Variants in STK33 observed in about 807,000 individuals in gnomAD.
STK33 encodes the protein serine/threonine-protein kinase 33.
A neutral mutation model predicts 58.0 loss-of-function variants in STK33; 52 were observed. The observed-to-expected ratio is 0.90, with a 90% confidence interval of 0.72 to 1.13. STK33 has a LOEUF of 1.13. Ranked by LOEUF, STK33 falls within the 50% of genes most tolerant of loss-of-function variation. The pLI is 0.00. For synonymous variants in STK33, 215 were observed against 200.1 expected, an observed-to-expected ratio of 1.07 and a Z score of -0.63; for missense variants, 630 against 604.2, an observed-to-expected ratio of 1.04 and a Z score of -0.45.
chr11:8,518,168 G>C (rs1952997248), intron 1 of STK33, among the ~76,000 whole-genome samples: 2 of 152,216 alleles, frequency 1.3e-5, no homozygotes, highest in South Asian at 4.1e-4. Context: ...CAAGCCAGAA[G>C]AGAGTGGGGG....
At chr11:8,526,768 C>A (rs571514634) in intron 1 of STK33, among the ~76,000 whole-genome samples, 4 of 137,078 alleles carry the variant, frequency 2.9e-5, no homozygotes, top group South Asian at 4.6e-4. Flanking sequence ...CACACACACA[C>A]AAAAAGAAAA....
chr11:8,568,628 A>G (rs925399098), intron 1 of STK33, among the ~76,000 whole-genome samples: 8 of 152,210 alleles, frequency 5.3e-5, no homozygotes, highest in African/African-American at 1.9e-4. Flanking sequence ...TATAAAAGCA[A>G]GAAAGCTATT....
At chr11:8,497,927 C>T (rs754803320) in intron 1 of STK33, among the ~76,000 whole-genome samples, 1 of 151,998 alleles carries the variant, frequency 6.6e-6, no homozygotes, top group East Asian at 1.9e-4. Context: ...CTTTTGTAGA[C>T]CAATTTCCCT....
chr11:8,538,111 G>A lies in STK33; in HGVS notation c.-466+55972C>T, dbSNP rs562169239. Among the ~76,000 whole-genome samples, 283 of 152,062 alleles carry A rather than the reference G, an allele frequency of 1.9e-3. 1 individual carries two copies. Among genetic ancestry groups the A allele is most frequent in the Admixed American group, 4.2e-3 (64 of 15,264 alleles). ...CTGAGCTAGGAGGATGGTTTCAGCC[G>A]TGGGAGGCAGAGATTGCAGTGAGCC... On this transcript the variant is annotated intron_variant, in intron 1 of 15. Coordinates refer to ENST00000687296, the MANE Select transcript of STK33 (RefSeq NM_001352389.2).
intron 1 of STK33, among the ~76,000 whole-genome samples, chr11:8,579,427 T>C (rs1022101943): frequency 6.6e-6 from 1 of 152,054 alleles, no homozygotes; most frequent in Non-Finnish European, 1.5e-5. Context: ...ATCTCAGAAA[T>C]GGAAGATCCT....
Position 8,392,466 on chromosome 11 carries a change from C to A in STK33, c.*44G>T, listed in dbSNP as rs143915832. The A allele has an allele frequency of 8.0e-5, 128 of 1,609,384 alleles. No individual in the cohort carries two copies. The East Asian group carries it at 2.7e-3, about 33-fold the overall frequency. ...TCCTACCCCCTCATCAAAGTGCTAACAAGAGCAGCTTTGTTTTTGTACTGT... is the reference window on the plus strand; with the variant it reads ...TCCTACCCCCTCATCAAAGTGCTAAAAAGAGCAGCTTTGTTTTTGTACTGT... On this transcript the variant is annotated 3_prime_UTR_variant, in exon 16 of 16. Transcript: ENST00000687296.
chr11:8,462,615 GAGAGAC>G (rs1181484193), intron 7 of STK33, among the ~76,000 whole-genome samples: 2 of 151,460 alleles, frequency 1.3e-5, no homozygotes, highest in African/African-American at 2.4e-5. Context: ...GACAGACAAA[GAGAGAC>G]AGAGACAGAG....
intron 14 of STK33, among the ~76,000 whole-genome samples, chr11:8,420,457 G>A (rs184756318): frequency 9.4e-4 from 143 of 152,170 alleles, no homozygotes; most frequent in Non-Finnish European, 1.9e-3. Context: ...AGTGCATTTC[G>A]AATTGCCTGC....
chr11:8,507,953 C>T (rs28569911), intron 1 of STK33, among the ~76,000 whole-genome samples: 13,599 of 152,136 alleles, frequency 0.089, 1,393 homozygotes, highest in African/African-American at 0.26. Context: ...TGCAATGGCA[C>T]GATCTCGGCT....
chr11:8,396,362 T>C (rs1849341212), intron 15 of STK33, among the ~76,000 whole-genome samples: 1 of 152,260 alleles, frequency 6.6e-6, no homozygotes, highest in African/African-American at 2.4e-5. Context: ...TATGGGTTTG[T>C]CTTGTAAAAT....
At chr11:8,482,652 C>G (rs1040629563) in intron 1 of STK33, among the ~76,000 whole-genome samples, 1 of 152,148 alleles carries the variant, frequency 6.6e-6, no homozygotes, top group Non-Finnish European at 1.5e-5. Flanking sequence ...ACTCCTATCC[C>G]TTATTAGCTC....
chr11:8,431,117 G>A (rs961386410), intron 14 of STK33, among the ~76,000 whole-genome samples: 10 of 152,032 alleles, frequency 6.6e-5, no homozygotes, highest in African/African-American at 1.4e-4. Context: ...CGCCTGCCTC[G>A]GCCTCCCAAA....
At chr11:8,465,002 A>G (rs1472633449) in intron 6 of STK33, 180 bp from the exon 7 acceptor site, 4 of 389,562 alleles carry the variant, frequency 1.0e-5, no homozygotes, top group African/African-American at 6.2e-5. Flanking sequence ...TAACCAAAAT[A>G]AGCGTTGATG....
In STK33 at chr11:8,562,126, T is replaced by C. The variant is rs189675098; in HGVS notation, c.-466+31957A>G. ...TACAGATGTATTTTTCAAGAATTTGTTTACTAAAATAATTCTTAATCTGAA... is the reference window on the plus strand; with the variant it reads ...TACAGATGTATTTTTCAAGAATTTGCTTACTAAAATAATTCTTAATCTGAA... On this transcript the variant is annotated intron_variant, in intron 1 of 15. Transcript: ENST00000687296. Among the ~76,000 whole-genome samples the C allele has an allele frequency of 2.0e-5, 3 of 152,332 alleles. No individual in the cohort carries two copies. In the East Asian group the frequency reaches 5.8e-4, roughly 29 times the overall value.
chr11:8,495,036 C>T (rs1246055604), intron 1 of STK33, among the ~76,000 whole-genome samples: 1 of 152,074 alleles, frequency 6.6e-6, no homozygotes, highest in Non-Finnish European at 1.5e-5. Flanking sequence ...TAGGCATGGG[C>T]AAAGAATTCA....
rs777525713 is a variant in STK33, at chr11:8,454,927, G to T, written c.698-95C>A. On this transcript the variant is annotated intron_variant, in intron 9 of 15. Transcript: ENST00000687296. ...AAATATATTTGACAAATTAATATCC[G>T]CTGTTGAAAAATTTGAGGGCCAAGC... 4 of 1,243,088 alleles carry T rather than the reference G, an allele frequency of 3.2e-6. No individual in the cohort carries two copies. In the South Asian group the frequency reaches 5.2e-5, roughly 16 times the overall value. 77.0% of individuals were successfully genotyped at this position (1,243,088 alleles called of 1,614,324 possible).
chr11:8,537,809 CAA>C lies in STK33; in HGVS notation c.-466+56272_-466+56273del, dbSNP rs11367717. On this transcript the variant is annotated intron_variant, in intron 1 of 15. Coordinates refer to ENST00000687296, the MANE Select transcript of STK33 (RefSeq NM_001352389.2). ...TGGGGAACAGAGCGAGACTCTGTTT[CAA>C]AAAAAAAAAAAAATTAAAAAAATAA... is the stretch of plus-strand genomic sequence containing the variant. 5.8e-3 allele frequency among the ~76,000 whole-genome samples: 681 copies of C among 118,178 alleles called. 3 individuals are homozygous for C. The highest frequency in any genetic ancestry group is 0.019 in the African/African-American group (622 of 32,468). 77.5% of individuals were successfully genotyped at this position (118,178 alleles called of 152,430 possible). A position where few individuals can be genotyped will look rare whatever the true frequency, so the allele number is the denominator to read the frequency against.
intron 1 of STK33, among the ~76,000 whole-genome samples, chr11:8,566,340 C>A (rs1247470269): frequency 2.0e-5 from 3 of 152,206 alleles, no homozygotes; most frequent in African/African-American, 7.2e-5. Flanking sequence ...CTTAGACCCA[C>A]ATTGTCTTAA....
chr11:8,437,246 C>T (rs903452399), intron 12 of STK33, among the ~76,000 whole-genome samples: 2 of 152,116 alleles, frequency 1.3e-5, no homozygotes, highest in African/African-American at 4.8e-5. Context: ...AAACAATGTA[C>T]CTTTAGACTC....
Sources: allele counts gnomAD v4.1 joint callset (sites outside exome capture counted in the v4.1 genomes callset), GRCh38; gene constraint gnomAD v4.1.1; transcripts MANE v1.5; gene names NCBI Gene and HGNC (gene_info 2026-07-23, HGNC 2026-07-21).